PIK3R3: variants seen among roughly 807,000 people sequenced by gnomAD.
The protein encoded by PIK3R3 is phosphatidylinositol 3-kinase regulatory subunit gamma.
PIK3R3 carries 64 observed loss-of-function variants against 62.9 expected under a neutral mutation model. That is an observed-to-expected ratio of 1.02 (90% CI 0.83 to 1.25). The LOEUF (loss-of-function observed/expected upper bound fraction) is 1.25. Among genes scored for constraint, PIK3R3 ranks in the 50% most tolerant of loss-of-function variants. PIK3R3 has a pLI of 0.00. For missense variants in PIK3R3, 614 were observed against 561.6 expected, an observed-to-expected ratio of 1.09 and a Z score of -0.94; for synonymous variants, 165 against 189.0, an observed-to-expected ratio of 0.87 and a Z score of 1.04.
Position 46,131,883 on chromosome 1 carries a change from T to C in PIK3R3, c.70A>G (p.Thr24Ala). The change falls in exon 1 of 10, where the codon ACA becomes GCA. Residue 24 changes from threonine to alanine, a missense_variant. Coordinates refer to ENST00000262741, the MANE Select transcript of PIK3R3 (RefSeq NM_003629.4). The part of the protein sequence containing the change: ...DWREVMMPYS[T>A]ELIFYIEMDP... Reference sequence around the variant, plus strand: ...ATTTCAATATAAAATATCAGTTCTGTCGAATAGGGCATCATCACCTCCCTC... The same window carrying C: ...ATTTCAATATAAAATATCAGTTCTGCCGAATAGGGCATCATCACCTCCCTC... 6.2e-7 allele frequency: 1 copy of C among 1,613,492 alleles called. No homozygotes were observed. The highest frequency in any genetic ancestry group is 8.5e-7 in the Non-Finnish European group (1 of 1,179,614).
rs761006706 is a variant in PIK3R3, at chr1:46,131,996, A to G, written c.-44T>C. On this transcript the variant is annotated 5_prime_UTR_variant, in exon 1 of 10. Transcript: ENST00000262741. ...TCGCCAGGAGATATATAGAAGGCAT[A>G]TATTTTTTATCTGGTATTTAAAAAT... 3.8e-6 allele frequency: 6 copies of G among 1,592,150 alleles called. No individual in the cohort carries two copies. The highest frequency in any genetic ancestry group is 4.5e-5 in the East Asian group (2 of 44,718).
intron 1 of PIK3R3, among the ~76,000 whole-genome samples, chr1:46,085,280 G>A (rs1650956584): frequency 6.6e-6 from 1 of 152,144 alleles, no homozygotes; most frequent in African/African-American, 2.4e-5. Flanking sequence ...CACATACATA[G>A]GCAAATATGT....
At chr1:46,172,225 T>G in the PIK3R3 span, among the ~76,000 whole-genome samples, 1 of 152,200 alleles carries the variant, frequency 6.6e-6, no homozygotes, top group Non-Finnish European at 1.5e-5. Context: ...CCCCAGGCAC[T>G]GTGAGGTGTG....
chr1:46,114,297 TAAGAGGG>T (rs112254462), intron 1 of PIK3R3, among the ~76,000 whole-genome samples: 7 of 152,096 alleles, frequency 4.6e-5, no homozygotes, highest in Non-Finnish European at 8.8e-5. Flanking sequence ...CTTACCTAAA[TAAGAGGG>T]AAGAGGGAAG....
rs141493534 is a variant in PIK3R3 at position 46,042,713 on chromosome 1, T to G, written c.*960A>C. 4.9e-4 allele frequency: 104 copies of G among 210,646 alleles called. No homozygotes were observed. In the East Asian group the frequency reaches 7.5e-3, roughly 15 times the overall value. 13.0% of individuals were successfully genotyped at this position (210,646 alleles called of 1,614,324 possible). ...GCACTGCATTGCACCTTTTCTTTACTCATACAAACAAGTTACAAAGGTTTC... is the reference window on the plus strand; with the variant it reads ...GCACTGCATTGCACCTTTTCTTTACGCATACAAACAAGTTACAAAGGTTTC... On this transcript the variant is annotated 3_prime_UTR_variant, in exon 10 of 10. Coordinates refer to ENST00000262741, the MANE Select transcript of PIK3R3 (RefSeq NM_003629.4). The surrounding 1 kb of genome is among the most constrained non-coding windows in gnomAD (Gnocchi z 4.3).
the PIK3R3 span, among the ~76,000 whole-genome samples, chr1:46,174,097 A>G: frequency 2.0e-5 from 3 of 152,060 alleles, no homozygotes; most frequent in Non-Finnish European, 2.9e-5. Flanking sequence ...GTTGTTACAT[A>G]TATCGTGTGG....
intron 1 of PIK3R3, among the ~76,000 whole-genome samples, chr1:46,125,190 G>T (rs1654991020): frequency 6.6e-6 from 1 of 151,974 alleles, no homozygotes; most frequent in Admixed American, 6.6e-5. Flanking sequence ...TCAAATGGGA[G>T]AATCACCATA....
intron 3 of PIK3R3, among the ~76,000 whole-genome samples, chr1:46,071,759 AGCGC>A (rs1553148112): frequency 1.0e-5 from 1 of 100,104 alleles, no homozygotes; most frequent in African/African-American, 3.6e-5. Context: ...AGAGAGAGAG[AGCGC>A]GCGCCTGATC....
At chr1:46,135,759 C>T (rs1173744758), upstream of PIK3R3, among the ~76,000 whole-genome samples, 1 of 151,878 alleles carries the variant, frequency 6.6e-6, no homozygotes, top group Non-Finnish European at 1.5e-5. Flanking sequence ...GGGCCGGGCA[C>T]GGTGGCTCAT....
chr1:46,145,975 C>T, the PIK3R3 span, among the ~76,000 whole-genome samples: 4 of 152,154 alleles, frequency 2.6e-5, no homozygotes, highest in Admixed American at 2.6e-4. Context: ...GAGAAGCACC[C>T]TTGGCCATAT....
rs181200282 is a variant in PIK3R3, at chr1:46,045,188, T to C, written c.1187+730A>G. On this transcript the variant is annotated intron_variant, in intron 9 of 9. Coordinates refer to ENST00000262741, the MANE Select transcript of PIK3R3 (RefSeq NM_003629.4). ...ATCCTTATTTTACAGATAAGGAAAC[T>C]GGGCAAAGAAAGATTAAGTAATTTA... Among the ~76,000 whole-genome samples, 226 of 152,336 alleles carry C rather than the reference T, an allele frequency of 1.5e-3. 2 individuals carry two copies. The highest frequency in any genetic ancestry group is 4.8e-3 in the Admixed American group (73 of 15,306).
At position 46,043,795 on chromosome 1, in the gene PIK3R3, A is replaced by G; in HGVS notation, c.1264T>C (p.Tyr422His). The G allele has an allele frequency of 6.2e-7, 1 of 1,614,160 alleles. No individual in the cohort carries two copies. Among genetic ancestry groups the G allele is most frequent in the Non-Finnish European group, 8.5e-7 (1 of 1,179,976 alleles). Residue 422 changes from tyrosine to histidine, a missense_variant, in exon 10 of 10, where the codon TAC becomes CAC. By Grantham distance (83) the Tyr-to-His change is moderately conservative. Coordinates refer to ENST00000262741, the MANE Select transcript of PIK3R3 (RefSeq NM_003629.4). ...GYGFAEPYNL[Y>H]SSLKELVLHY... Reference sequence around the variant, plus strand: ...AGCACTAGCTCCTTCAGAGAGCTGTACAGGTTGTAGGGCTCTGCAAAGCCA... The same window carrying G: ...AGCACTAGCTCCTTCAGAGAGCTGTGCAGGTTGTAGGGCTCTGCAAAGCCA...
chr1:46,067,944 G>C (rs1056292079), intron 3 of PIK3R3, among the ~76,000 whole-genome samples: 1 of 152,168 alleles, frequency 6.6e-6, no homozygotes, highest in Non-Finnish European at 1.5e-5. Flanking sequence ...AACCACAGCA[G>C]GTTGATTCAT....
intron 7 of PIK3R3, among the ~76,000 whole-genome samples, chr1:46,047,821 C>G (rs1647158027): frequency 6.6e-6 from 1 of 152,148 alleles, no homozygotes; most frequent in Non-Finnish European, 1.5e-5. Context: ...CACTCTGTCA[C>G]CTAGGCTGGA....
chr1:46,161,262 A>T, the PIK3R3 span, among the ~76,000 whole-genome samples: 33 of 139,786 alleles, frequency 2.4e-4, no homozygotes, highest in Middle Eastern at 3.7e-3. Flanking sequence ...TACCTAGCTA[A>T]TTTTTTTTTT....
the PIK3R3 span, among the ~76,000 whole-genome samples, chr1:46,155,773 A>G: frequency 1.3e-5 from 2 of 152,148 alleles, no homozygotes; most frequent in Non-Finnish European, 2.9e-5. Context: ...AATTTTTTTA[A>G]AAAATTTTAA....
chr1:46,110,804 T>C (rs1653674998), intron 1 of PIK3R3, among the ~76,000 whole-genome samples: 1 of 151,420 alleles, frequency 6.6e-6, no homozygotes, highest in Admixed American at 6.6e-5. Flanking sequence ...AGCAGTGGAA[T>C]TTTACTGAGA....
chr1:46,061,994 TTG>T lies in PIK3R3; in HGVS notation c.697_698del (p.Gln233ArgfsTer4). 3.7e-6 allele frequency: 6 copies of T among 1,612,744 alleles called. No individual in the cohort carries two copies. Among genetic ancestry groups the T allele is most frequent in the Non-Finnish European group, 5.1e-6 (6 of 1,178,780 alleles). On this transcript the variant is annotated frameshift_variant, in exon 6 of 10. Coordinates refer to ENST00000262741, the MANE Select transcript of PIK3R3 (RefSeq NM_003629.4). LOFTEE classifies it high-confidence loss of function. ...CAATATATTCTTTGCTATGTTGTTC[TTG>T]TGTGTGACACTGCTCTTCAAATATT... Reference protein sequence around the residue: ...IKIFEEQCHTQEQHSKEYIER... With the variant: ...IKIFEEQCHTXEQHSKEYIER...
At chr1:46,147,232 T>C in the PIK3R3 span, among the ~76,000 whole-genome samples, 2 of 152,070 alleles carry the variant, frequency 1.3e-5, no homozygotes, top group Non-Finnish European at 2.9e-5. Flanking sequence ...CCTCAGCCTG[T>C]AGCTGGGACT....
Sources: gnomAD v4.1 joint callset for allele counts (sites outside exome capture counted in the v4.1 genomes callset) on GRCh38, gnomAD v4.1.1 for gene constraint, Gnocchi (gnomAD v3.1) non-coding constraint, MANE v1.5 for transcripts, NCBI Gene and HGNC (gene_info 2026-07-23, HGNC 2026-07-21) for gene names.